GLRA3: variants seen among roughly 807,000 people sequenced by gnomAD.
GLRA3 encodes the protein glycine receptor alpha 3, also known as glycine receptor subunit alpha-3.
Under a neutral mutation model 60.4 loss-of-function variants are expected in GLRA3, and 44 were observed. The observed-to-expected ratio is 0.73, with a 90% CI of 0.57 to 0.94. The LOEUF is 0.94. Among genes scored for constraint, GLRA3 ranks in the 40% least tolerant of loss-of-function variants. GLRA3 has a pLI of 0.00. For missense variants in GLRA3, 508 were observed against 564.6 expected (o/e 0.90, Z 1.02); for synonymous variants, 223 against 192.9 (o/e 1.16, Z -1.29).
At chr4:174,662,561 A>T (rs1388824781) in intron 7 of GLRA3, among the ~76,000 whole-genome samples, 3 of 152,166 alleles carry the variant, frequency 2.0e-5, no homozygotes, top group Non-Finnish European at 4.4e-5. Flanking sequence ...TATTTAGTGC[A>T]GCTATTTTTA....
At chr4:174,677,560 A>C (rs1287899535) in intron 6 of GLRA3, among the ~76,000 whole-genome samples, 1 of 148,992 alleles carries the variant, frequency 6.7e-6, no homozygotes, top group African/African-American at 2.5e-5. Flanking sequence ...TGGTTTCACC[A>C]TGTTGGCCAG....
At chr4:174,767,494 G>T (rs1738194854) in intron 2 of GLRA3, among the ~76,000 whole-genome samples, 1 of 152,032 alleles carries the variant, frequency 6.6e-6, no homozygotes, top group East Asian at 1.9e-4. Flanking sequence ...AAAGTTTGTT[G>T]TTGCTGGTTT....
At chr4:174,799,367 C>T (rs566273903) in intron 1 of GLRA3, among the ~76,000 whole-genome samples, 6 of 152,144 alleles carry the variant, frequency 3.9e-5, no homozygotes, top group Non-Finnish European at 7.4e-5. Context: ...GCTAAAAACA[C>T]CAGTGAAAAA....
At chr4:174,676,623 C>T (rs1354575326) in intron 7 of GLRA3, among the ~76,000 whole-genome samples, 1 of 151,948 alleles carries the variant, frequency 6.6e-6, no homozygotes, top group Non-Finnish European at 1.5e-5. Context: ...TGTATAGACA[C>T]AGGCACACAC....
At chr4:174,819,679 A>G (rs1740657653) in intron 1 of GLRA3, among the ~76,000 whole-genome samples, 1 of 152,208 alleles carries the variant, frequency 6.6e-6, no homozygotes. Context: ...ATCATCACTC[A>G]TCTACCTTTT....
intron 2 of GLRA3, among the ~76,000 whole-genome samples, chr4:174,784,900 T>A (rs1378730152): frequency 6.6e-6 from 1 of 152,118 alleles, no homozygotes; most frequent in Non-Finnish European, 1.5e-5. Context: ...CTCAAAAATG[T>A]TTCAGATAAA....
At chr4:174,757,125 T>C (rs1400701185) in intron 3 of GLRA3, among the ~76,000 whole-genome samples, 1 of 152,236 alleles carries the variant, frequency 6.6e-6, no homozygotes, top group Non-Finnish European at 1.5e-5. Context: ...TGCATTAACA[T>C]ATTCATAGAA....
chr4:174,795,515 A>G (rs1417695461), intron 1 of GLRA3, among the ~76,000 whole-genome samples: 2 of 152,154 alleles, frequency 1.3e-5, no homozygotes, highest in African/African-American at 2.4e-5. Flanking sequence ...TGGAGGAGGA[A>G]TATGTAAGAG....
At position 174,724,917 on chromosome 4, in the gene GLRA3, T is replaced by C. The variant is rs1191758894; in HGVS notation, c.491+3558A>G. 1.2e-4 allele frequency among the ~76,000 whole-genome samples: 18 copies of C among 152,206 alleles called. 1 individual carries two copies. The highest frequency in any genetic ancestry group is 1.5e-5 in the Non-Finnish European group (1 of 68,030). On this transcript the variant is annotated intron_variant, in intron 4 of 9. Coordinates refer to ENST00000274093, the MANE Select transcript of GLRA3 (RefSeq NM_006529.4). ...TTGTTTTTCCTGCATAAGATATCACTATTTTCTGGATGCTTTCAGGATTTG... is the reference window on the plus strand; with the variant it reads ...TTGTTTTTCCTGCATAAGATATCACCATTTTCTGGATGCTTTCAGGATTTG...
intron 1 of GLRA3, among the ~76,000 whole-genome samples, chr4:174,815,883 C>T (rs1740479877): frequency 6.6e-6 from 1 of 152,190 alleles, no homozygotes; most frequent in African/African-American, 2.4e-5. Context: ...CATTTGGCTT[C>T]CCATTACTTA....
chr4:174,793,157 C>G (rs1043002979), intron 1 of GLRA3, among the ~76,000 whole-genome samples: 1 of 152,018 alleles, frequency 6.6e-6, no homozygotes, highest in Non-Finnish European at 1.5e-5. Flanking sequence ...TTATGGAGGT[C>G]CTTACTCTAC....
At chr4:174,809,272 CAT>C (rs1323024401) in intron 1 of GLRA3, among the ~76,000 whole-genome samples, 8 of 152,300 alleles carry the variant, frequency 5.3e-5, no homozygotes, top group Middle Eastern at 3.4e-3. Context: ...GGCTGTACCA[CAT>C]AGCCTTGGTG....
chr4:174,651,826 A>G (rs1329133129), intron 9 of GLRA3, among the ~76,000 whole-genome samples: 2 of 152,166 alleles, frequency 1.3e-5, no homozygotes, highest in Non-Finnish European at 2.9e-5. Context: ...AATGTGTTCC[A>G]TGAAAGAGTG....
chr4:174,788,626 C>T (rs1016584436), intron 2 of GLRA3, among the ~76,000 whole-genome samples, 190 bp downstream of exon 2: 4 of 140,982 alleles, frequency 2.8e-5, no homozygotes, highest in African/African-American at 7.7e-5. Context: ...ATAGCTGGGC[C>T]AAAGAAGGCA....
chr4:174,788,819 TA>T lies in GLRA3; in HGVS notation c.195del (p.Phe65LeufsTer29). On this transcript the variant is annotated frameshift_variant, in exon 2 of 10. Coordinates refer to ENST00000274093, the MANE Select transcript of GLRA3 (RefSeq NM_006529.4). LOFTEE classifies it high-confidence loss of function. ...SGYDARIRPN[F>X]KGPPVNVTCN... ...AAGTAGCAAACAGAACAATTACCTTTAAAATTGGGTCTGATTCTTGCATCAT... is the reference window on the plus strand; with the variant it reads ...AAGTAGCAAACAGAACAATTACCTTTAAATTGGGTCTGATTCTTGCATCAT... The T allele has an allele frequency of 6.3e-7, 1 of 1,597,874 alleles. No homozygotes were observed. The highest frequency in any genetic ancestry group is 8.5e-7 in the Non-Finnish European group (1 of 1,171,340).
At chr4:174,665,387 C>A (rs1415791416) in intron 7 of GLRA3, among the ~76,000 whole-genome samples, 2 of 151,902 alleles carry the variant, frequency 1.3e-5, no homozygotes, top group Non-Finnish European at 2.9e-5. Context: ...TCTCAGCATC[C>A]CACTTCCACT....
At position 174,728,518 on chromosome 4, in the gene GLRA3, A is replaced by G; in HGVS notation, c.448T>C (p.Leu150=). 1 of 1,612,066 alleles carries G rather than the reference A, an allele frequency of 6.2e-7. No homozygotes were observed. Among genetic ancestry groups the G allele is most frequent in the East Asian group, 2.2e-5 (1 of 44,868 alleles). Residue 150 remains leucine (L), a synonymous_variant, in exon 4 of 10, where the codon TTG becomes CTG. Coordinates refer to ENST00000274093, the MANE Select transcript of GLRA3 (RefSeq NM_006529.4). ...NFHEVTTDNK[L]LRIFKNGNVL... ...TTTCCATTTTTGAAAATTCTTAGCA[A>G]TTTGTTGTCTGTAGTGACTTCATGA...
At chr4:174,659,726 C>T (rs146622431) in intron 7 of GLRA3, among the ~76,000 whole-genome samples, 1,705 of 152,126 alleles carry the variant, frequency 0.011, 36 homozygotes, top group African/African-American at 0.037. Flanking sequence ...AATCCTAGAA[C>T]TTTGGTATGC....
At chr4:174,775,242 G>GGATAGGAATAGTA (rs1471647447) in intron 2 of GLRA3, among the ~76,000 whole-genome samples, 4 of 152,040 alleles carry the variant, frequency 2.6e-5, no homozygotes, top group Non-Finnish European at 5.9e-5. Flanking sequence ...GAACAATAGT[G>GGATAGGAATAGTA]TCTTGGTGGA....
Sources: allele counts gnomAD v4.1 joint callset (sites outside exome capture counted in the v4.1 genomes callset), GRCh38; gene constraint gnomAD v4.1.1; transcripts MANE v1.5; gene names NCBI Gene and HGNC (gene_info 2026-07-23, HGNC 2026-07-21).